Variants in GDF5 observed in about 807,000 individuals in gnomAD.
GDF5 encodes the protein growth/differentiation factor 5.
Under a neutral mutation model 34.6 loss-of-function variants are expected in GDF5, and 17 were observed. The ratio of observed to expected loss-of-function variants is 0.49; its 90% CI spans 0.34 to 0.74. The LOEUF is 0.74. Ranked by LOEUF, GDF5 falls within the 30% of genes least tolerant of loss-of-function variation. GDF5 has a pLI of 0.01. For synonymous variants in GDF5, 332 were observed against 290.7 expected, an observed-to-expected ratio of 1.14 and a Z score of -1.44; for missense variants, 616 against 661.2, an observed-to-expected ratio of 0.93 and a Z score of 0.75.
intron 1 of GDF5, among the ~76,000 whole-genome samples, chr20:35,451,145 T>C (rs983871117): frequency 2.9e-4 from 42 of 146,362 alleles, no homozygotes; most frequent in Non-Finnish European, 6.0e-4. Context: ...TTCACATACA[T>C]ATATATATAT....
upstream of GDF5, among the ~76,000 whole-genome samples, chr20:35,439,474 G>A (rs942859428): frequency 3.9e-5 from 6 of 152,088 alleles, no homozygotes; most frequent in South Asian, 2.1e-4. Context: ...TGATCCGCCC[G>A]CCTCGGCCTC....
rs200445104 is a variant in GDF5, at chr20:35,437,760, C to T, written c.169G>A (p.Val57Ile). 213 of 1,612,300 alleles carry T rather than the reference C, an allele frequency of 1.3e-4. 1 individual carries two copies. Among genetic ancestry groups the T allele is most frequent in the Non-Finnish European group, 1.1e-4 (131 of 1,179,084 alleles). The change falls in exon 1 of 2, where the codon GTC (valine) becomes ATC (isoleucine). Residue 57 changes from valine to isoleucine, a missense_variant. Val to Ile is a conservative substitution (Grantham distance 29). Coordinates refer to ENST00000374369, the MANE Select transcript of GDF5 (RefSeq NM_000557.5). ...AKERPPLARN[V>I]FRPGGHSYGG... Reference sequence around the variant, plus strand: ...TAGCTGTGACCCCCTGGCCTGAAGACGTTCCGGGCCAGGGGGGGCCTCTCC... The same window carrying T: ...TAGCTGTGACCCCCTGGCCTGAAGATGTTCCGGGCCAGGGGGGGCCTCTCC...
upstream of GDF5, among the ~76,000 whole-genome samples, chr20:35,439,049 G>A (rs1017109117): frequency 6.6e-6 from 1 of 151,858 alleles, no homozygotes; most frequent in African/African-American, 2.4e-5. Context: ...CATTGACTGA[G>A]TGCATATTCT....
intron 1 of GDF5, 93 bp from the exon 2 acceptor site, chr20:35,434,876 T>C (rs781375825): frequency 8.1e-7 from 1 of 1,239,490 alleles, no homozygotes; most frequent in South Asian, 1.2e-5. Context: ...TCTCTCCCAG[T>C]CCAGAGAGCT....
Position 35,438,034 on chromosome 20 carries a change from G to A in GDF5, c.-106C>T, listed in dbSNP as rs1335977298. 10 of 1,284,084 alleles carry A rather than the reference G, an allele frequency of 7.8e-6. No homozygotes were observed. Among genetic ancestry groups the A allele is most frequent in the East Asian group, 4.9e-5 (2 of 40,744 alleles). The allele number at this position is 1,284,084 out of a possible 1,614,324, so 79.5% of individuals were successfully genotyped here. ...AAAGGAGTGGACTTTCAAAAGCAGC[G>A]GCAGCAGCAGTAGCAGCAGAAGGAA... On this transcript the variant is annotated 5_prime_UTR_variant, in exon 1 of 2. Transcript: ENST00000374369.
intron 1 of GDF5, among the ~76,000 whole-genome samples, chr20:35,449,897 G>A (rs2062525160): frequency 6.6e-6 from 1 of 151,960 alleles, no homozygotes; most frequent in African/African-American, 2.4e-5. Context: ...GCTGAGCCAG[G>A]AGGATCGCTT....
intron 1 of GDF5, among the ~76,000 whole-genome samples, chr20:35,447,943 C>T (rs1038440425): frequency 1.4e-5 from 2 of 144,320 alleles, no homozygotes; most frequent in East Asian, 2.1e-4. Context: ...GGCACAAGCC[C>T]GTCTCTATAA....
At position 35,438,139 on chromosome 20, in the gene GDF5, T is replaced by C; in HGVS notation, c.-211A>G. On this transcript the variant is annotated 5_prime_UTR_variant, in exon 1 of 2. The change creates a new upstream start codon in the 5' untranslated region. Coordinates refer to ENST00000374369, the MANE Select transcript of GDF5 (RefSeq NM_000557.5). ...CAGTCCCATAGTGGAAATGCTCTCG[T>C]ATCCAGACGTGCACCGTCTCCAGTC... The C allele has an allele frequency of 1.6e-6, 1 of 613,510 alleles. No individual in the cohort carries two copies. Among genetic ancestry groups the C allele is most frequent in the South Asian group, 1.9e-5 (1 of 52,420 alleles). The allele number at this position is 613,510 out of a possible 1,614,324, so 38.0% of individuals were successfully genotyped here.
At chr20:35,451,248 A>G (rs2062532635) in intron 1 of GDF5, among the ~76,000 whole-genome samples, 1 of 151,776 alleles carries the variant, frequency 6.6e-6, no homozygotes, top group Non-Finnish European at 1.5e-5. Context: ...GGAAAGATCC[A>G]TATTATAGCC....
intron 1 of GDF5, among the ~76,000 whole-genome samples, chr20:35,436,350 G>A (rs986887487): frequency 4.5e-5 from 6 of 132,244 alleles, no homozygotes; most frequent in Non-Finnish European, 9.6e-5. Context: ...GCCCCCTCCA[G>A]GCCAGCTCTA....
chr20:35,445,403 G>A (rs1351492058), intron 1 of GDF5, among the ~76,000 whole-genome samples: 1 of 151,966 alleles, frequency 6.6e-6, no homozygotes, highest in African/African-American at 2.4e-5. Context: ...AGTGGCTCAC[G>A]CCTGTAATCC....
At chr20:35,448,657 T>C (rs1299178518) in intron 1 of GDF5, among the ~76,000 whole-genome samples, 7 of 152,024 alleles carry the variant, frequency 4.6e-5, no homozygotes, top group Non-Finnish European at 1.0e-4. Flanking sequence ...TTGGCCAGGC[T>C]GGTCTCAAAC....
At chr20:35,439,908 CTTTTTTTTTTTTTTT>C (rs34397706), upstream of GDF5, among the ~76,000 whole-genome samples, 1 of 71,634 alleles carries the variant, frequency 1.4e-5, no homozygotes, top group Non-Finnish European at 2.5e-5. Flanking sequence ...AGGCTTCCTT[CTTTTTTTTTTTTTTT>C]TTTTTTTTTT....
chr20:35,453,247 C>G (rs895192355), intron 1 of GDF5, among the ~76,000 whole-genome samples: 13 of 152,020 alleles, frequency 8.6e-5, no homozygotes, highest in African/African-American at 3.1e-4. Flanking sequence ...AAGACCCCGT[C>G]TCAAAAAGAA....
rs2062457147 is a variant in GDF5 at position 35,434,130 on chromosome 20, A to C, written c.1285T>G (p.Cys429Gly). Residue 429 changes from cysteine (C) to glycine (G), a missense_variant, in exon 2 of 2, where the codon TGC (cysteine) becomes GGC (glycine). By Grantham distance (159) the Cys-to-Gly change is radical. Coordinates refer to ENST00000374369, the MANE Select transcript of GDF5 (RefSeq NM_000557.5). ...IAPLEYEAFH[C>G]EGLCEFPLRS... ...AATGGGAACTCGCACAGCCCCTCGC[A>C]GTGGAAAGCCTCGTACTCAAGGGGT... 1 of 1,614,048 alleles carries C rather than the reference A, an allele frequency of 6.2e-7. No individual in the cohort carries two copies. Among genetic ancestry groups the C allele is most frequent in the Admixed American group, 1.7e-5 (1 of 60,010 alleles).
At chr20:35,451,072 T>TATATATATATATATATATAA in intron 1 of GDF5, among the ~76,000 whole-genome samples, 1 of 41,364 alleles carries the variant, frequency 2.4e-5, no homozygotes. Flanking sequence ...AAAATATATA[T>TATATATATATATATATATAA]ATATATATAT....
chr20:35,451,330 C>T (rs998213954), intron 1 of GDF5, among the ~76,000 whole-genome samples: 1 of 151,690 alleles, frequency 6.6e-6, no homozygotes, highest in Non-Finnish European at 1.5e-5. Context: ...AAACCGTTCC[C>T]CTCACCTGGC....
rs139115541 is a variant in GDF5, at chr20:35,450,040, C to G, written c.-398+4600G>C. ...AGAATGGGCCGGGCGTCGCGGCTCA[C>G]GCCTGTAATCCCAGCACTTTGGGAA... On this transcript the variant is annotated intron_variant, in intron 1 of 3. Transcript: ENST00000374372. Among the ~76,000 whole-genome samples the G allele has an allele frequency of 3.3e-5, 5 of 150,266 alleles. No homozygotes were observed. The South Asian group carries it at 1.1e-3, about 32-fold the overall frequency.
intron 1 of GDF5, among the ~76,000 whole-genome samples, chr20:35,436,752 A>C (rs1210902489): frequency 6.6e-6 from 1 of 152,154 alleles, no homozygotes; most frequent in African/African-American, 2.4e-5. Context: ...TCATACTGCG[A>C]GTTAGGCCCT....
Sources: gnomAD v4.1 joint callset for allele counts (sites outside exome capture counted in the v4.1 genomes callset) on GRCh38, gnomAD v4.1.1 for gene constraint, MANE v1.5 for transcripts, NCBI Gene and HGNC (gene_info 2026-07-23, HGNC 2026-07-21) for gene names.